BTBD3: variants seen among roughly 807,000 people sequenced by gnomAD.
The protein encoded by BTBD3 is BTB domain containing 3.
BTBD3 carries 14 observed loss-of-function variants against 41.6 expected under a neutral mutation model. The ratio of observed to expected loss-of-function variants is 0.34; its 90% CI spans 0.22 to 0.53. The LOEUF is 0.53. Among genes scored for constraint, BTBD3 ranks in the 20% least tolerant of loss-of-function variants. BTBD3 has a pLI of 0.95. For synonymous variants in BTBD3, 249 were observed against 233.7 expected, an observed-to-expected ratio of 1.07 and a Z score of -0.60; for missense variants, 426 against 654.7, an observed-to-expected ratio of 0.65 and a Z score of 3.81.
At chr20:11,902,388 C>A (rs1038009514) in intron 1 of BTBD3, among the ~76,000 whole-genome samples, 7 of 152,150 alleles carry the variant, frequency 4.6e-5, no homozygotes, top group African/African-American at 1.4e-4. Context: ...TCAAGCAATT[C>A]AACTTTTTTC....
intron 1 of BTBD3, among the ~76,000 whole-genome samples, chr20:11,901,244 C>T (rs990251731): frequency 2.6e-5 from 4 of 152,226 alleles, no homozygotes; most frequent in African/African-American, 9.6e-5. Context: ...CCCCGCTCTA[C>T]CACTTAGACA....
At chr20:11,890,835 G>A (rs1249275561) in exon 1 of BTBD3, 3 of 985,190 alleles carry the variant, frequency 3.0e-6, no homozygotes, top group Non-Finnish European at 1.2e-6. Context: ...CCCTGCGTGC[G>A]GGTGCCCGCC....
intron 1 of BTBD3, among the ~76,000 whole-genome samples, chr20:11,893,718 T>C (rs2056769930): frequency 6.6e-6 from 1 of 152,184 alleles, no homozygotes; most frequent in Non-Finnish European, 1.5e-5. Context: ...GGGAGACATT[T>C]TGGGAATCAC....
At chr20:11,919,062 T>A (rs1418333763) in intron 1 of BTBD3, 24 bp from the exon 2 acceptor site, 1 of 1,576,576 alleles carries the variant, frequency 6.3e-7, no homozygotes, top group East Asian at 2.2e-5. Flanking sequence ...CTGCTGTGAA[T>A]TAATGAGTTG....
chr20:11,912,587 G>T (rs1193308458), intron 1 of BTBD3, among the ~76,000 whole-genome samples: 1 of 152,212 alleles, frequency 6.6e-6, no homozygotes, highest in Non-Finnish European at 1.5e-5. Context: ...AGGATGAGGA[G>T]CTAGATTAAT....
intron 1 of BTBD3, among the ~76,000 whole-genome samples, chr20:11,904,511 G>A (rs918077746): frequency 1.3e-5 from 2 of 152,024 alleles, no homozygotes; most frequent in Non-Finnish European, 2.9e-5. Flanking sequence ...TTACGCTTAC[G>A]ATAAAATCCA....
intron 1 of BTBD3, among the ~76,000 whole-genome samples, chr20:11,909,092 T>C (rs2056873897): frequency 6.6e-6 from 1 of 151,938 alleles, no homozygotes; most frequent in South Asian, 2.1e-4. Flanking sequence ...CTGACCAACA[T>C]GGTGAAACCC....
chr20:11,902,404 G>A (rs1012138062), intron 1 of BTBD3, among the ~76,000 whole-genome samples: 1 of 152,104 alleles, frequency 6.6e-6, no homozygotes. Context: ...TTTTCTTGTA[G>A]TGTCTTTTCT....
intron 1 of BTBD3, among the ~76,000 whole-genome samples, chr20:11,908,274 T>C (rs2056868016): frequency 6.6e-6 from 1 of 150,602 alleles, no homozygotes; most frequent in South Asian, 2.1e-4. Flanking sequence ...GGATCTTGTA[T>C]GAGTTCATAT....
chr20:11,921,403 G>T (rs1355135195), intron 3 of BTBD3, among the ~76,000 whole-genome samples: 1 of 152,216 alleles, frequency 6.6e-6, no homozygotes, highest in Non-Finnish European at 1.5e-5. Context: ...TTGCTCTAGT[G>T]CTGTAGTTGT....
At position 11,918,338 on chromosome 20, in the gene BTBD3, G is replaced by A. The variant is rs1166617386; in HGVS notation, c.63G>A (p.Thr21=). 3.1e-6 allele frequency: 5 copies of A among 1,612,106 alleles called. No homozygotes were observed. The highest frequency in any genetic ancestry group is 3.4e-5 in the Admixed American group (2 of 59,522). The change falls in exon 1 of 4, where the codon ACG becomes ACA. Residue 21 remains threonine, a synonymous_variant. Transcript: ENST00000378226. ...CLTFFLMLPE[T]VKNRSKKSSK... ...CCTTCTTCTTGATGCTTCCAGAGACGGTAAAGAACAGGTCCAAGAAAAGCT... is the reference window on the plus strand; with the variant it reads ...CCTTCTTCTTGATGCTTCCAGAGACAGTAAAGAACAGGTCCAAGAAAAGCT...
Position 11,919,763 on chromosome 20 carries a change from G to A in BTBD3, c.463G>A (p.Gly155Arg). Residue 155 changes from glycine to arginine, a missense_variant, in exon 3 of 4, where the codon GGA becomes AGA. Coordinates refer to ENST00000378226, the MANE Select transcript of BTBD3 (RefSeq NM_014962.4). ...GSSVFHAMFYGELAEDKDEIR... is the reference protein window; with the variant it reads ...GSSVFHAMFYRELAEDKDEIR... ...CTCTGTGTTCCATGCGATGTTTTAC[G>A]GAGAACTTGCAGAGGACAAAGATGA... is the stretch of plus-strand genomic sequence containing the variant. The A allele has an allele frequency of 1.9e-6, 3 of 1,614,064 alleles. No homozygotes were observed. Among genetic ancestry groups the A allele is most frequent in the Non-Finnish European group, 2.5e-6 (3 of 1,179,988 alleles).
upstream of BTBD3, chr20:11,913,652 A>G (rs1016232407): frequency 6.6e-6 from 1 of 152,136 alleles, no homozygotes; most frequent in Non-Finnish European, 1.5e-5. Context: ...CAAACCCCTT[A>G]TACTTCTGAC....
chr20:11,924,854 A>G lies in BTBD3; in HGVS notation c.*1188A>G, dbSNP rs914234857. The G allele has an allele frequency of 2.0e-5, 3 of 152,666 alleles. No homozygotes were observed. The highest frequency in any genetic ancestry group is 4.4e-5 in the Non-Finnish European group (3 of 68,036). The allele number at this position is 152,666 out of a possible 1,614,324, so 9.5% of individuals were successfully genotyped here. ...GCCAACATATGCCTGCAGGGTTTAT[A>G]AAAAATGGCCTGGAGTGACACATTT... On this transcript the variant is annotated 3_prime_UTR_variant, in exon 4 of 4. Transcript: ENST00000378226.
chr20:11,918,742 G>A (rs1403656786), intron 1 of BTBD3, 141 bp downstream of exon 1: 2 of 948,754 alleles, frequency 2.1e-6, no homozygotes, highest in African/African-American at 3.3e-5. Context: ...AAATTGCCTT[G>A]TATCTTTTCC....
intron 1 of BTBD3, among the ~76,000 whole-genome samples, chr20:11,900,534 C>T (rs1257485167): frequency 1.3e-5 from 2 of 151,994 alleles, no homozygotes; most frequent in African/African-American, 4.8e-5. Context: ...CTTGCCTACC[C>T]ATCACCAGCA....
At chr20:11,905,743 A>G (rs368169589) in intron 1 of BTBD3, among the ~76,000 whole-genome samples, 173 of 152,312 alleles carry the variant, frequency 1.1e-3, no homozygotes, top group African/African-American at 3.9e-3. Context: ...GAGCCAGACT[A>G]TGGAGCCATT....
At chr20:11,901,001 G>A (rs2056820744) in intron 1 of BTBD3, among the ~76,000 whole-genome samples, 1 of 152,084 alleles carries the variant, frequency 6.6e-6, no homozygotes, top group Non-Finnish European at 1.5e-5. Flanking sequence ...TTGAGCCACC[G>A]CACCCGGCCA....
At chr20:11,904,846 A>G (rs1277307070) in intron 1 of BTBD3, among the ~76,000 whole-genome samples, 1 of 152,222 alleles carries the variant, frequency 6.6e-6, no homozygotes, top group Non-Finnish European at 1.5e-5. Flanking sequence ...TGTGGAATCT[A>G]AAACCATATC....
Sources: allele counts gnomAD v4.1 joint callset (sites outside exome capture counted in the v4.1 genomes callset), GRCh38; gene constraint gnomAD v4.1.1; transcripts MANE v1.5; gene names NCBI Gene and HGNC (gene_info 2026-07-23, HGNC 2026-07-21).